Variants in RTL4 observed in about 807,000 individuals in gnomAD.
RTL4 encodes the protein retrotransposon Gag-like protein 4.
A neutral mutation model predicts 5.3 loss-of-function variants in RTL4; 4 were observed. The observed-to-expected ratio is 0.75, with a 90% CI of 0.37 to 1.72. RTL4 has a LOEUF of 1.72. RTL4 is among the 40% of genes most tolerant of loss of function. The pLI is 0.04. For missense variants in RTL4, 260 were observed against 227.1 expected (o/e 1.14, Z -0.93); for synonymous variants, 98 against 87.3 (o/e 1.12, Z -0.68).
chrX:112,424,765 A>G, the RTL4 span, among the ~76,000 whole-genome samples: 1 of 111,214 alleles, frequency 9.0e-6, no homozygotes, highest in African/African-American at 3.3e-5. Flanking sequence ...TTACATTAAT[A>G]TATTTTATTT....
At chrX:112,114,543 C>G in the RTL4 span, among the ~76,000 whole-genome samples, 12 of 111,907 alleles carry the variant, frequency 1.1e-4, no homozygotes, top group African/African-American at 3.9e-4. Flanking sequence ...TTCCCCAGGT[C>G]TACCCTGATC....
chrX:112,255,028 C>T, the RTL4 span, among the ~76,000 whole-genome samples: 178 of 111,954 alleles, frequency 1.6e-3, no homozygotes, highest in Non-Finnish European at 2.8e-3. Flanking sequence ...ATAACTTACA[C>T]GTCTCTCAGT....
the RTL4 span, among the ~76,000 whole-genome samples, chrX:112,201,989 G>A: frequency 2.4e-4 from 26 of 110,527 alleles, no homozygotes; most frequent in African/African-American, 8.6e-4. Context: ...GTGTGTGTGT[G>A]TGTGTGTGTG....
the RTL4 span, among the ~76,000 whole-genome samples, chrX:112,376,779 T>G: frequency 8.9e-6 from 1 of 112,366 alleles, no homozygotes; most frequent in Non-Finnish European, 1.9e-5. Flanking sequence ...ATATATTCAT[T>G]TCCATTCCTA....
the RTL4 span, among the ~76,000 whole-genome samples, chrX:112,239,462 A>G: frequency 8.9e-6 from 1 of 111,865 alleles, no homozygotes; most frequent in Non-Finnish European, 1.9e-5. Context: ...AGGCAGAACA[A>G]GTGGGAATTC....
the RTL4 span, among the ~76,000 whole-genome samples, chrX:112,305,360 T>TA: frequency 7.7e-5 from 8 of 103,419 alleles, no homozygotes; most frequent in South Asian, 8.4e-4. Flanking sequence ...TATTTTATTT[T>TA]TATTTATTTA....
At chrX:112,309,439 G>C in the RTL4 span, among the ~76,000 whole-genome samples, 1 of 110,175 alleles carries the variant, frequency 9.1e-6, no homozygotes, top group Non-Finnish European at 1.9e-5. Context: ...GAATTTGGAA[G>C]GGGGTACAAT....
the RTL4 span, among the ~76,000 whole-genome samples, chrX:112,284,791 A>G: frequency 2.7e-5 from 3 of 111,576 alleles, no homozygotes; most frequent in Non-Finnish European, 5.7e-5. Flanking sequence ...TAAAAAGCAT[A>G]TTGTCCCAGG....
At chrX:112,403,349 A>C in the RTL4 span, among the ~76,000 whole-genome samples, 4 of 112,271 alleles carry the variant, frequency 3.6e-5, no homozygotes, top group African/African-American at 1.3e-4. Context: ...AATCAAAGGC[A>C]TGTCAATTGA....
the RTL4 span, among the ~76,000 whole-genome samples, chrX:112,167,648 G>A: frequency 4.6e-5 from 5 of 109,123 alleles, no homozygotes; most frequent in Non-Finnish European, 9.5e-5. Flanking sequence ...CTATTTTATA[G>A]GTGGGAAACC....
the RTL4 span, among the ~76,000 whole-genome samples, chrX:112,427,022 A>G: frequency 6.3e-5 from 7 of 111,559 alleles, no homozygotes; most frequent in Admixed American, 1.9e-4. Context: ...AAAGAAAGAA[A>G]TTATACCAAT....
the RTL4 span, among the ~76,000 whole-genome samples, chrX:112,335,116 G>A: frequency 3.5e-4 from 39 of 111,774 alleles, no homozygotes; most frequent in African/African-American, 6.2e-4. Flanking sequence ...CTCCTGTAGT[G>A]CTGAATGAAG....
chrX:112,250,300 A>G, the RTL4 span, among the ~76,000 whole-genome samples: 1 of 111,162 alleles, frequency 9.0e-6, no homozygotes, highest in Non-Finnish European at 1.9e-5. Flanking sequence ...AAGAAAAGAA[A>G]AAGAAAATTG....
the RTL4 span, among the ~76,000 whole-genome samples, chrX:112,445,441 G>T: frequency 8.9e-6 from 1 of 111,736 alleles, no homozygotes. Flanking sequence ...ACTCTTATTT[G>T]TTCTTCCCAA....
chrX:112,454,906 C>T (rs1386793244), exon 1 of RTL4: 1 of 1,210,301 alleles, frequency 8.3e-7, no homozygotes, highest in Admixed American at 2.2e-5. Flanking sequence ...CTCACTTGAG[C>T]ATCTCACCCA....
chrX:112,359,592 C>T, the RTL4 span, among the ~76,000 whole-genome samples: 1,676 of 111,298 alleles, frequency 0.015, 34 homozygotes, highest in African/African-American at 0.052. Flanking sequence ...AAGTAGGTAA[C>T]CTCTCTTTCT....
the RTL4 span, among the ~76,000 whole-genome samples, chrX:112,430,706 G>C: frequency 9.0e-6 from 1 of 111,551 alleles, no homozygotes; most frequent in Non-Finnish European, 1.9e-5. Flanking sequence ...TCCCACATCA[G>C]ATTCTGGGAT....
the RTL4 span, among the ~76,000 whole-genome samples, chrX:112,310,614 AT>A: frequency 3.4e-5 from 2 of 59,051 alleles, no homozygotes; most frequent in Non-Finnish European, 5.4e-5. Context: ...ATTTATATAT[AT>A]TTATATATAT....
chrX:112,332,965 G>T, the RTL4 span, among the ~76,000 whole-genome samples: 1 of 110,565 alleles, frequency 9.0e-6, no homozygotes, highest in Non-Finnish European at 1.9e-5. Context: ...CTCATTTGTT[G>T]GTTGATGCTG....
Sources: allele counts gnomAD v4.1 joint callset (sites outside exome capture counted in the v4.1 genomes callset), GRCh38; gene constraint gnomAD v4.1.1; transcripts MANE v1.5; gene names NCBI Gene and HGNC (gene_info 2026-07-23, HGNC 2026-07-21).